Variants in ZSCAN5A observed in about 807,000 individuals in gnomAD.
The protein encoded by ZSCAN5A is zinc finger and SCAN domain-containing protein 5A.
In ZSCAN5A, 12 loss-of-function variants were observed where a neutral mutation model predicts 23.7. The ratio of observed to expected loss-of-function variants is 0.51; its 90% CI spans 0.32 to 0.82. The LOEUF (loss-of-function observed/expected upper bound fraction) is 0.82, where lower values mean the gene tolerates loss of function less well. ZSCAN5A is among the 40% of genes least tolerant of loss of function. The pLI is 0.03. For synonymous variants in ZSCAN5A, 257 were observed against 239.9 expected, an observed-to-expected ratio of 1.07 and a Z score of -0.66; for missense variants, 597 against 617.9, an observed-to-expected ratio of 0.97 and a Z score of 0.36.
chr19:56,260,214 CTTT>C (rs398041088), intron 2 of ZSCAN5A, among the ~76,000 whole-genome samples: 7 of 127,866 alleles, frequency 5.5e-5, no homozygotes, highest in East Asian at 4.5e-4. Flanking sequence ...TATTTTTTTA[CTTT>C]TTTTTTTTTT....
chr19:56,285,024 G>T (rs2038999491), intron 2 of ZSCAN5A: 1 of 985,304 alleles, frequency 1.0e-6, no homozygotes, highest in Non-Finnish European at 1.2e-6. Flanking sequence ...GTCACCGGAT[G>T]GTAAGTGTCA....
intron 2 of ZSCAN5A, among the ~76,000 whole-genome samples, chr19:56,346,456 T>C (rs1294794213): frequency 6.6e-6 from 1 of 150,880 alleles, no homozygotes; most frequent in Non-Finnish European, 1.5e-5. Context: ...GAAGGCAAGC[T>C]CAAACTCCAT....
intron 2 of ZSCAN5A, chr19:56,312,397 T>C (rs541480139): frequency 6.6e-6 from 1 of 152,324 alleles, no homozygotes; most frequent in South Asian, 2.1e-4. Context: ...CATCATACAA[T>C]TCCAAATGGA....
rs114484690 is a variant in ZSCAN5A at position 56,285,019 on chromosome 19, C to T, written c.-128+28264G>A. 955 of 985,308 alleles carry T rather than the reference C, an allele frequency of 9.7e-4. 4 individuals carry two copies. In the African/African-American group the frequency reaches 0.014, roughly 15 times the overall value. The allele number at this position is 985,308 out of a possible 1,614,324, so 61.0% of individuals were successfully genotyped here. On this transcript the variant is annotated intron_variant, in intron 2 of 5. Transcript: ENST00000683990. ...TCAGGTCTCATGAGCAGACTGTCAC[C>T]GGATGGTAAGTGTCAGGATTGTATC... is the stretch of plus-strand genomic sequence containing the variant.
chr19:56,316,261 T>G (rs1253204841), upstream of ZSCAN5A: 1 of 152,196 alleles, frequency 6.6e-6, no homozygotes, highest in African/African-American at 2.4e-5. Flanking sequence ...GGCCCAGCAT[T>G]GCACCATCTG....
intron 2 of ZSCAN5A, among the ~76,000 whole-genome samples, chr19:56,329,128 C>G (rs1285485037): frequency 2.0e-5 from 3 of 152,064 alleles, no homozygotes; most frequent in Non-Finnish European, 2.9e-5. Context: ...GTGGATGGAT[C>G]AGTTGAGGCC....
Position 56,233,650 on chromosome 19 carries a change from C to T in ZSCAN5A, c.-127-8477G>A, listed in dbSNP as rs1281852000. Among the ~76,000 whole-genome samples, 10 of 145,276 alleles carry T rather than the reference C, an allele frequency of 6.9e-5. No homozygotes were observed. The South Asian group carries it at 1.8e-3, about 26-fold the overall frequency. On this transcript the variant is annotated intron_variant, in intron 2 of 5. Coordinates refer to ENST00000683990, the MANE Select transcript of ZSCAN5A (RefSeq NM_001322064.3). ...TTTGGAGATCTCCAACTTTTTTTCA[C>T]AGCTGCTTAAAAAAAAATACTACTG...
chr19:56,234,831 A>G (rs1170543329), intron 2 of ZSCAN5A, among the ~76,000 whole-genome samples: 1 of 152,242 alleles, frequency 6.6e-6, no homozygotes, highest in Non-Finnish European at 1.5e-5. Context: ...ATTTCAAGGC[A>G]GTAGCTTGCC....
intron 2 of ZSCAN5A, chr19:56,274,577 C>T (rs1242963222): frequency 6.6e-6 from 1 of 152,094 alleles, no homozygotes; most frequent in Non-Finnish European, 1.5e-5. Context: ...ATTCTTCACC[C>T]AGTTATCTCA....
chr19:56,330,280 C>T (rs952247442), intron 2 of ZSCAN5A, among the ~76,000 whole-genome samples: 24 of 152,140 alleles, frequency 1.6e-4, no homozygotes, highest in Non-Finnish European at 2.8e-4. Context: ...TTGTGAATAG[C>T]GCTGCAATGA....
intron 2 of ZSCAN5A, among the ~76,000 whole-genome samples, chr19:56,361,671 C>G (rs1035062043): frequency 2.0e-5 from 3 of 152,070 alleles, no homozygotes; most frequent in African/African-American, 7.2e-5. Flanking sequence ...CACATGGAAA[C>G]AGGGAGGGGA....
chr19:56,221,819 A>G lies in ZSCAN5A; in HGVS notation c.1247T>C (p.Val416Ala). 6.2e-7 allele frequency: 1 copy of G among 1,614,048 alleles called. No homozygotes were observed. The highest frequency in any genetic ancestry group is 8.5e-7 in the Non-Finnish European group (1 of 1,179,900). The change falls in exon 6 of 6, where the codon GTC (valine) becomes GCC (alanine). Residue 416 changes from valine to alanine, a missense_variant. This residue lies in a region of ZSCAN5A where 406 missense variants were observed against 353.2 expected (regional missense o/e 1.15). Coordinates refer to ENST00000683990, the MANE Select transcript of ZSCAN5A (RefSeq NM_001322064.3). ...CTTCTGGGTGAACTGCTTCTGGCAG[A>G]CGTCACACGTGTAGGGCCTCTCGCC... ...HTGERPYTCD[V>A]CQKQFTQKSY...
chr19:56,298,973 T>G (rs2040057625), intron 2 of ZSCAN5A, among the ~76,000 whole-genome samples: 1 of 152,194 alleles, frequency 6.6e-6, no homozygotes, highest in African/African-American at 2.4e-5. Context: ...GCAATACATG[T>G]TAAACAATCA....
chr19:56,301,931 G>A, intron 2 of ZSCAN5A: 1 of 1,231,970 alleles, frequency 8.1e-7, no homozygotes, highest in Non-Finnish European at 1.0e-6. Flanking sequence ...AGGAAGGGAA[G>A]GCCATCAGCA....
chr19:56,221,814 G>A lies in ZSCAN5A; in HGVS notation c.1252C>T (p.Gln418Ter). 6.2e-7 allele frequency: 1 copy of A among 1,614,052 alleles called. No individual in the cohort carries two copies. ...GERPYTCDVC[Q>*]KQFTQKSYLK... is the part of the protein sequence containing the mutation. ...TAGGACTTCTGGGTGAACTGCTTCTGGCAGACGTCACACGTGTAGGGCCTC... is the reference window on the plus strand; with the variant it reads ...TAGGACTTCTGGGTGAACTGCTTCTAGCAGACGTCACACGTGTAGGGCCTC... The change falls in exon 6 of 6, where the codon CAG becomes TAG. Residue 418 changes from glutamine to a stop codon, truncating the protein, a stop_gained. Transcript: ENST00000683990. LOFTEE classifies it low-confidence loss of function (END_TRUNC).
chr19:56,311,971 A>G (rs192453127), intron 2 of ZSCAN5A: 1 of 152,318 alleles, frequency 6.6e-6, no homozygotes, highest in Admixed American at 6.5e-5. Context: ...GTGTTATCCA[A>G]TAAAAATCTG....
At chr19:56,366,446 AACCTT>A (rs981263034) in intron 1 of ZSCAN5A, among the ~76,000 whole-genome samples, 1 of 151,136 alleles carries the variant, frequency 6.6e-6, no homozygotes, top group Non-Finnish European at 1.5e-5. Context: ...AAAAAAAAGA[AACCTT>A]ACCATTAAGA....
At chr19:56,345,664 G>A (rs1449881953) in intron 2 of ZSCAN5A, among the ~76,000 whole-genome samples, 1 of 152,048 alleles carries the variant, frequency 6.6e-6, no homozygotes, top group African/African-American at 2.4e-5. Flanking sequence ...ATTTAGATAG[G>A]GATTATCTAT....
At chr19:56,340,513 A>C (rs1181382214) in intron 2 of ZSCAN5A, among the ~76,000 whole-genome samples, 1 of 152,228 alleles carries the variant, frequency 6.6e-6, no homozygotes, top group African/African-American at 2.4e-5. Flanking sequence ...AAGGAATACT[A>C]ATGATAATAA....
Sources: gnomAD v4.1 joint callset for allele counts (sites outside exome capture counted in the v4.1 genomes callset) on GRCh38, gnomAD v4.1.1 for gene constraint, gnomAD v4.1.1 regional missense constraint, MANE v1.5 for transcripts, NCBI Gene and HGNC (gene_info 2026-07-23, HGNC 2026-07-21) for gene names.